STK3: variants seen among roughly 807,000 people sequenced by gnomAD.
STK3 encodes serine/threonine-protein kinase 3.
A neutral mutation model predicts 58.0 loss-of-function variants in STK3; 41 were observed. That is an observed-to-expected ratio of 0.71 (90% CI 0.55 to 0.92). The LOEUF (loss-of-function observed/expected upper bound fraction) is 0.92. STK3 is among the 40% of genes least tolerant of loss of function. The pLI, the probability that STK3 is intolerant of heterozygous loss-of-function variation, is 0.00. For synonymous variants in STK3, 170 were observed against 191.0 expected (o/e 0.89, Z 0.91); for missense variants, 479 against 602.7 (o/e 0.79, Z 2.15).
At chr8:98,729,860 C>T (rs532067694) in intron 4 of STK3, among the ~76,000 whole-genome samples, 1 of 152,230 alleles carries the variant, frequency 6.6e-6, no homozygotes, top group Admixed American at 6.5e-5. Flanking sequence ...TCTGGCTCCA[C>T]ATTTCATGTT....
intron 2 of STK3, among the ~76,000 whole-genome samples, chr8:98,434,678 C>T (rs1050755120): frequency 4.6e-5 from 7 of 152,068 alleles, no homozygotes; most frequent in African/African-American, 1.2e-4. Flanking sequence ...CTCAGAGACC[C>T]GTGGAGGGGA....
chr8:98,386,323 C>T (rs763938886), intron 1 of STK3, among the ~76,000 whole-genome samples: 2 of 152,042 alleles, frequency 1.3e-5, no homozygotes, highest in Non-Finnish European at 2.9e-5. Flanking sequence ...AACCCAAATG[C>T]CTATCAGTAG....
chr8:98,897,596 A>AAAAC (rs934696205), intron 1 of STK3, among the ~76,000 whole-genome samples: 21 of 152,266 alleles, frequency 1.4e-4, no homozygotes, highest in African/African-American at 4.1e-4. Context: ...CTCCGTCTCA[A>AAAAC]AAACAAACAA....
intron 1 of STK3, among the ~76,000 whole-genome samples, chr8:98,799,463 G>A (rs2131616046): frequency 6.6e-6 from 1 of 151,000 alleles, no homozygotes; most frequent in African/African-American, 2.5e-5. Context: ...AAAAAGAAAG[G>A]GAGATAGAAT....
chr8:98,681,696 T>C (rs1823656216), intron 6 of STK3, among the ~76,000 whole-genome samples: 1 of 152,234 alleles, frequency 6.6e-6, no homozygotes, highest in African/African-American at 2.4e-5. Context: ...TATTTTACAG[T>C]AAATATCAAT....
chr8:98,457,504 A>G (rs1819588702), intron 10 of STK3, among the ~76,000 whole-genome samples: 1 of 152,178 alleles, frequency 6.6e-6, no homozygotes, highest in South Asian at 2.1e-4. Context: ...CCATTTCTAA[A>G]TTTCTATGTA....
chr8:98,503,144 T>C (rs1406980690), intron 10 of STK3, among the ~76,000 whole-genome samples: 2 of 152,194 alleles, frequency 1.3e-5, no homozygotes, highest in Admixed American at 1.3e-4. Flanking sequence ...GGAGCATGTA[T>C]GTGTCCAGTA....
chr8:98,862,460 G>C (rs1435539945), intron 3 of STK3, among the ~76,000 whole-genome samples: 1 of 152,196 alleles, frequency 6.6e-6, no homozygotes, highest in Non-Finnish European at 1.5e-5. Flanking sequence ...TTTTTACACT[G>C]CCTGACCTGG....
intron 1 of STK3, among the ~76,000 whole-genome samples, chr8:98,776,088 CT>C (rs1831657781): frequency 6.6e-6 from 1 of 152,204 alleles, no homozygotes; most frequent in Non-Finnish European, 1.5e-5. Context: ...CAGAACAAGT[CT>C]ATAATGCTGA....
chr8:98,908,178 A>G (rs1012171214), intron 1 of STK3, among the ~76,000 whole-genome samples: 2 of 152,202 alleles, frequency 1.3e-5, no homozygotes, highest in Admixed American at 6.5e-5. Context: ...AAAGGGTGCA[A>G]AATGGTGATA....
intron 8 of STK3, among the ~76,000 whole-genome samples, chr8:98,557,186 C>T (rs188137672): frequency 3.3e-5 from 5 of 152,106 alleles, no homozygotes; most frequent in African/African-American, 9.6e-5. Context: ...TAACGGAATT[C>T]GGGGGCTGGT....
chr8:98,826,433 C>G (rs945007555), upstream of STK3, among the ~76,000 whole-genome samples: 1 of 152,162 alleles, frequency 6.6e-6, no homozygotes, highest in African/African-American at 2.4e-5. Flanking sequence ...GAAAATAATT[C>G]GTACAGTGAG....
the STK3 span, among the ~76,000 whole-genome samples, chr8:98,346,154 G>C: frequency 6.6e-6 from 1 of 151,768 alleles, no homozygotes; most frequent in African/African-American, 2.4e-5. Flanking sequence ...GCATGATCTT[G>C]GGTGCCTGTA....
At position 98,470,126 on chromosome 8, in the gene STK3, G is replaced by A. The variant is rs146978750; in HGVS notation, c.1318-14126C>T. Among the ~76,000 whole-genome samples, 22 of 152,218 alleles carry A rather than the reference G, an allele frequency of 1.4e-4. No homozygotes were observed. In the East Asian group the frequency reaches 3.9e-3, roughly 27 times the overall value. On this transcript the variant is annotated intron_variant, in intron 10 of 10. Transcript: ENST00000419617. ...TTTCCATTATTAGAGTCAGAGTAGC[G>A]GTGCAATACCAGAAATGATCAACTA...
At chr8:98,638,368 C>T (rs993635940) in intron 6 of STK3, 3 of 152,052 alleles carry the variant, frequency 2.0e-5, no homozygotes, top group Non-Finnish European at 2.9e-5. Context: ...ATATTATGTT[C>T]CTGCAAGTGT....
At chr8:98,753,739 AC>A (rs1830122849) in intron 3 of STK3, among the ~76,000 whole-genome samples, 5 of 152,138 alleles carry the variant, frequency 3.3e-5, no homozygotes. Flanking sequence ...GGCAATAAAT[AC>A]AAAAAAAAAT....
At chr8:98,688,557 A>T (rs1484254432) in intron 6 of STK3, among the ~76,000 whole-genome samples, 2 of 152,180 alleles carry the variant, frequency 1.3e-5, no homozygotes, top group African/African-American at 4.8e-5. Context: ...AAAAAATCAA[A>T]ATCATACCAA....
At chr8:98,817,105 A>C (rs1374694543) in intron 1 of STK3, among the ~76,000 whole-genome samples, 1 of 152,176 alleles carries the variant, frequency 6.6e-6, no homozygotes, top group Admixed American at 6.5e-5. Flanking sequence ...ACACCTAAAA[A>C]CGGCTAGATA....
intron 4 of STK3, among the ~76,000 whole-genome samples, chr8:98,742,133 G>A (rs1352539804): frequency 6.6e-6 from 1 of 151,852 alleles, no homozygotes; most frequent in African/African-American, 2.4e-5. Context: ...TGGATTCACA[G>A]CCGAATTCTA....
Sources: gnomAD v4.1 joint callset for allele counts (sites outside exome capture counted in the v4.1 genomes callset) on GRCh38, gnomAD v4.1.1 for gene constraint, MANE v1.5 for transcripts, NCBI Gene and HGNC (gene_info 2026-07-23, HGNC 2026-07-21) for gene names.